The following AADACL2 variants were observed in gnomAD, a reference collection of about 807,000 sequenced individuals.
The protein encoded by AADACL2 is arylacetamide deacetylase like 2, also known as arylacetamide deacetylase-like 2.
In AADACL2, 23 loss-of-function variants were observed where a neutral mutation model predicts 22.3. That is an observed-to-expected ratio of 1.03 (90% CI 0.74 to 1.46). The LOEUF (loss-of-function observed/expected upper bound fraction) is 1.46. Ranked by LOEUF, AADACL2 falls within the 40% of genes most tolerant of loss-of-function variation. The pLI, the probability that AADACL2 is intolerant of heterozygous loss-of-function variation, is 0.00. For missense variants in AADACL2, 472 were observed against 482.9 expected, an observed-to-expected ratio of 0.98 and a Z score of 0.21; for synonymous variants, 177 against 166.2, an observed-to-expected ratio of 1.07 and a Z score of -0.50.
rs568130840 is a variant in AADACL2, at chr3:151,746,001, T to C, written c.603+321T>C. 5.3e-5 allele frequency among the ~76,000 whole-genome samples: 8 copies of C among 152,258 alleles called. No homozygotes were observed. The South Asian group carries it at 1.7e-3, about 32-fold the overall frequency. On this transcript the variant is annotated intron_variant, in intron 4 of 4. Transcript: ENST00000356517. ...TTTTTAAAAAGAAAGACTAACTGAA[T>C]TTTTATTAGGATTGCATTGAATCTA... is the stretch of plus-strand genomic sequence containing the variant.
chr3:151,739,278 G>T (rs1360703326), intron 1 of AADACL2, among the ~76,000 whole-genome samples: 1 of 152,146 alleles, frequency 6.6e-6, no homozygotes, highest in Non-Finnish European at 1.5e-5. Context: ...GTTGCAGTTT[G>T]CTGGAGGTCC....
chr3:151,741,007 A>G, intron 2 of AADACL2, 139 bp downstream of exon 2: 2 of 633,890 alleles, frequency 3.2e-6, no homozygotes, highest in Non-Finnish European at 5.2e-6. Flanking sequence ...TATAGATATA[A>G]ATATGAGACA....
chr3:151,746,910 T>TC (rs1713467686), intron 4 of AADACL2, among the ~76,000 whole-genome samples: 1 of 151,692 alleles, frequency 6.6e-6, no homozygotes, highest in Admixed American at 6.6e-5. Flanking sequence ...GTCAGGTTTT[T>TC]TTTTTTTCTT....
In AADACL2 at chr3:151,758,758, T is replaced by C. The variant is rs1714048306; in HGVS notation, c.*1164T>C. The stretch of plus-strand genomic sequence containing the variant: ...CAGATCCATGGTACAATGTTATAAA[T>C]TTTGAGTATTAAGCATAGTCAGTTG... On this transcript the variant is annotated 3_prime_UTR_variant, in exon 5 of 5. Transcript: ENST00000356517. 1 of 152,104 alleles carries C rather than the reference T, an allele frequency of 6.6e-6. No individual in the cohort carries two copies. The allele number at this position is 152,104 out of a possible 1,614,324, so 9.4% of individuals were successfully genotyped here. A position where few individuals can be genotyped will look rare whatever the true frequency, so the allele number is the denominator to read the frequency against.
At chr3:151,742,235 T>G (rs989142906) in intron 2 of AADACL2, among the ~76,000 whole-genome samples, 1 of 152,016 alleles carries the variant, frequency 6.6e-6, no homozygotes, top group Admixed American at 6.6e-5. Context: ...TATATACTTT[T>G]GTGATCTTTG....
At chr3:151,747,824 T>G (rs1172076558) in intron 4 of AADACL2, among the ~76,000 whole-genome samples, 3 of 152,166 alleles carry the variant, frequency 2.0e-5, no homozygotes, top group African/African-American at 4.8e-5. Flanking sequence ...AATCATCTGG[T>G]AGTTCCATTT....
At chr3:151,740,006 C>A (rs1416918282) in intron 1 of AADACL2, among the ~76,000 whole-genome samples, 1 of 152,172 alleles carries the variant, frequency 6.6e-6, no homozygotes, top group Admixed American at 6.5e-5. Context: ...AGCCCCCTTT[C>A]CAGGGGAGTG....
Position 151,757,113 on chromosome 3 carries a change from C to T in AADACL2, c.725C>T (p.Thr242Ile), listed in dbSNP as rs993954231. Residue 242 changes from threonine (T) to isoleucine (I), a missense_variant, in exon 5 of 5, where the codon ACC (threonine) becomes ATC (isoleucine). Transcript: ENST00000356517. Reference protein sequence around the residue: ...HRENEHGIVLTRDVAIKLVSL... With the variant: ...HRENEHGIVLIRDVAIKLVSL... ...GAAAATGAGCATGGTATAGTTTTGACCAGGGATGTAGCCATAAAACTCGTG... is the reference window on the plus strand; with the variant it reads ...GAAAATGAGCATGGTATAGTTTTGATCAGGGATGTAGCCATAAAACTCGTG... 6.8e-6 allele frequency: 11 copies of T among 1,612,830 alleles called. No individual in the cohort carries two copies. The African/African-American group carries it at 1.5e-4, about 22-fold the overall frequency.
At chr3:151,743,750 T>A (rs1208904802) in intron 2 of AADACL2, among the ~76,000 whole-genome samples, 1 of 152,110 alleles carries the variant, frequency 6.6e-6, no homozygotes, top group African/African-American at 2.4e-5. Context: ...TTATTTCAGA[T>A]GAAGTAAAAT....
Position 151,757,661 on chromosome 3 carries a change from G to A in AADACL2, c.*67G>A, listed in dbSNP as rs1223554050. ...ATTTGTGATATTTTGTGGTTTTGGA[G>A]CAAAGAACAATGTCATTTGAGTTAT... is the stretch of plus-strand genomic sequence containing the variant. On this transcript the variant is annotated 3_prime_UTR_variant, in exon 5 of 5. Coordinates refer to ENST00000356517, the MANE Select transcript of AADACL2 (RefSeq NM_207365.4). The A allele has an allele frequency of 6.7e-7, 1 of 1,495,854 alleles. No individual in the cohort carries two copies. The highest frequency in any genetic ancestry group is 1.4e-5 in the African/African-American group (1 of 71,302). The allele number at this position is 1,495,854 out of a possible 1,614,324, so 92.7% of individuals were successfully genotyped here. A position where few individuals can be genotyped will look rare whatever the true frequency, so the allele number is the denominator to read the frequency against.
intron 4 of AADACL2, among the ~76,000 whole-genome samples, chr3:151,746,391 A>G (rs548311621): frequency 1.1e-4 from 14 of 123,252 alleles, no homozygotes; most frequent in Admixed American, 2.5e-4. Context: ...GTTTCCTAGG[A>G]TTTTCTATAT....
chr3:151,734,852 C>T (rs1713038451), intron 1 of AADACL2, among the ~76,000 whole-genome samples: 1 of 152,108 alleles, frequency 6.6e-6, no homozygotes, highest in South Asian at 2.1e-4. Flanking sequence ...AGAACATATG[C>T]AGGTAAAAAG....
intron 4 of AADACL2, among the ~76,000 whole-genome samples, chr3:151,749,803 C>A (rs188374134): frequency 1.2e-4 from 18 of 152,188 alleles, no homozygotes; most frequent in African/African-American, 4.1e-4. Context: ...ACTTCTTTCT[C>A]ATTTGGATGC....
chr3:151,747,633 TGTGTGTAG>T (rs1713498068), intron 4 of AADACL2, among the ~76,000 whole-genome samples: 1 of 151,558 alleles, frequency 6.6e-6, no homozygotes, highest in African/African-American at 2.4e-5. Flanking sequence ...TGTGTGTGTG[TGTGTGTAG>T]ATACACACAC....
In AADACL2 at chr3:151,734,188, T is replaced by A. The variant is rs774036762; in HGVS notation, c.138+15T>A. 1.2e-6 allele frequency: 2 copies of A among 1,609,080 alleles called. No homozygotes were observed. Among genetic ancestry groups the A allele is most frequent in the Non-Finnish European group, 1.7e-6 (2 of 1,177,892 alleles). ...GTACATTTACGGTAAGGTTAACATT[T>A]ATTTTTTCTGTTGGAAATTGGGATG... is the stretch of plus-strand genomic sequence containing the variant. On this transcript the variant is annotated intron_variant, in intron 1 of 4. Transcript: ENST00000356517.
In AADACL2 at chr3:151,757,151, A is replaced by C. The variant is rs150410369; in HGVS notation, c.763A>C (p.Thr255Pro). 2.4e-5 allele frequency: 39 copies of C among 1,613,452 alleles called. No homozygotes were observed. Among genetic ancestry groups the C allele is most frequent in the Admixed American group, 1.2e-4 (7 of 59,942 alleles). The change falls in exon 5 of 5, where the codon ACC becomes CCC. Residue 255 changes from threonine (T) to proline (P), a missense_variant. Coordinates refer to ENST00000356517, the MANE Select transcript of AADACL2 (RefSeq NM_207365.4). Reference sequence around the variant, plus strand: ...CATAAAACTCGTGAGCTTATATTTCACCAAGGATGAAGCACTTCCCTGGGC... The same window carrying C: ...CATAAAACTCGTGAGCTTATATTTCCCCAAGGATGAAGCACTTCCCTGGGC... ...VAIKLVSLYFTKDEALPWAMR... is the reference protein window; with the variant it reads ...VAIKLVSLYFPKDEALPWAMR...
chr3:151,744,029 C>G, intron 2 of AADACL2, 64 bp from the exon 3 acceptor site: 1 of 1,519,690 alleles, frequency 6.6e-7, no homozygotes, highest in Non-Finnish European at 9.1e-7. Context: ...ACATTCATAT[C>G]TGTAACTGTT....
chr3:151,751,496 G>T (rs1326626701), intron 4 of AADACL2: 1 of 152,148 alleles, frequency 6.6e-6, no homozygotes, highest in Non-Finnish European at 1.5e-5. Flanking sequence ...CTTGAGGCCA[G>T]GAGTTCAAGA....
In AADACL2 at chr3:151,745,651, G is replaced by T; in HGVS notation, c.574G>T (p.Gly192Cys). Residue 192 changes from glycine (G) to cysteine (C), a missense_variant, in exon 4 of 5, where the codon GGC (glycine) becomes TGC (cysteine). By Grantham distance (159) the Gly-to-Cys change is radical. This residue lies in a region of AADACL2 where 356 missense variants were observed against 365.5 expected (regional missense o/e 0.97). Transcript: ENST00000356517. The part of the protein sequence containing the change: ...RICIAGDSSG[G>C]NLATAVTQQV... ...CTGCATTGCGGGAGACAGTTCTGGGGGCAATTTAGCAACAGCGGTCACTCA... is the reference window on the plus strand; with the variant it reads ...CTGCATTGCGGGAGACAGTTCTGGGTGCAATTTAGCAACAGCGGTCACTCA... 2.5e-6 allele frequency: 4 copies of T among 1,611,054 alleles called. No individual in the cohort carries two copies. The highest frequency in any genetic ancestry group is 3.4e-6 in the Non-Finnish European group (4 of 1,178,982).
Sources: allele counts gnomAD v4.1 joint callset (sites outside exome capture counted in the v4.1 genomes callset), GRCh38; gene constraint gnomAD v4.1.1; regional missense constraint gnomAD v4.1.1; transcripts MANE v1.5; gene names NCBI Gene and HGNC (gene_info 2026-07-23, HGNC 2026-07-21).